Variants in TRDN observed in about 807,000 individuals in gnomAD.
The protein encoded by TRDN is triadin, also known as triadin in skeletal muscle.
TRDN carries 161 observed loss-of-function variants against 149.7 expected under a neutral mutation model. The observed-to-expected ratio is 1.08, with a 90% CI of 0.95 to 1.23. The LOEUF is 1.23. TRDN is among the 50% of genes most tolerant of loss of function. The pLI is 0.00. For synonymous variants in TRDN, 294 were observed against 250.5 expected, an observed-to-expected ratio of 1.17 and a Z score of -1.64; for missense variants, 896 against 823.5, an observed-to-expected ratio of 1.09 and a Z score of -1.08.
intron 38 of TRDN, among the ~76,000 whole-genome samples, chr6:123,237,452 C>T (rs1478045000): frequency 6.6e-6 from 1 of 151,950 alleles, no homozygotes; most frequent in Non-Finnish European, 1.5e-5. Flanking sequence ...GTTTCACCAT[C>T]TTGGCCGGGC....
intron 12 of TRDN, among the ~76,000 whole-genome samples, chr6:123,396,487 C>T (rs1256060608): frequency 6.6e-6 from 1 of 152,144 alleles, no homozygotes; most frequent in Admixed American, 6.5e-5. Flanking sequence ...CAATATTCAA[C>T]TAAAGATTAT....
In TRDN at chr6:123,573,625, T is replaced by C. The variant is rs117629825; in HGVS notation, c.23-2493A>G. On this transcript the variant is annotated intron_variant, in intron 1 of 40. Transcript: ENST00000334268. Reference sequence around the variant, plus strand: ...GGATTCTCTGACTTCCTTGGTATCCTTTCCAATCAATTAATTGACTGCTTG... The same window carrying C: ...GGATTCTCTGACTTCCTTGGTATCCCTTCCAATCAATTAATTGACTGCTTG... 2.7e-4 allele frequency among the ~76,000 whole-genome samples: 41 copies of C among 152,200 alleles called. No individual in the cohort carries two copies. In the East Asian group the frequency reaches 7.4e-3, roughly 27 times the overall value.
chr6:123,312,657 C>G (rs953855183), intron 24 of TRDN, among the ~76,000 whole-genome samples: 1 of 151,942 alleles, frequency 6.6e-6, no homozygotes, highest in Non-Finnish European at 1.5e-5. Flanking sequence ...CCACATTGTT[C>G]AAGAGTCAAC....
intron 24 of TRDN, 127 bp from the exon 25 acceptor site, chr6:123,279,209 T>C: frequency 1.3e-6 from 1 of 743,640 alleles, no homozygotes; most frequent in Non-Finnish European, 2.0e-6. Flanking sequence ...TATCCTTTTT[T>C]GTTGAAATTC....
chr6:123,247,449 C>A (rs1776222851), intron 38 of TRDN, among the ~76,000 whole-genome samples: 1 of 152,100 alleles, frequency 6.6e-6, no homozygotes, highest in East Asian at 1.9e-4. Flanking sequence ...TTCCTATACA[C>A]CAATAATAGA....
intron 5 of TRDN, chr6:123,528,600 C>T (rs1780064963): frequency 1.0e-6 from 1 of 978,294 alleles, no homozygotes; most frequent in African/African-American, 1.7e-5. Flanking sequence ...AACTTAAATT[C>T]CTAACTATCC....
In TRDN at chr6:123,615,519, G is replaced by A. The variant is rs78375873; in HGVS notation, c.22+21235C>T. On this transcript the variant is annotated intron_variant, in intron 1 of 40. Transcript: ENST00000334268. ...GTGTATATATATAATGCCCATTCAC[G>A]TTTGAAAAACATGTATATACACACA... Among the ~76,000 whole-genome samples the A allele has an allele frequency of 3.0e-3, 448 of 148,694 alleles. 2 individuals carry two copies. The highest frequency in any genetic ancestry group is 0.011 in the African/African-American group (412 of 38,782).
chr6:123,373,534 C>T (rs1356653238), intron 19 of TRDN, among the ~76,000 whole-genome samples: 2 of 152,232 alleles, frequency 1.3e-5, no homozygotes, highest in East Asian at 3.9e-4. Context: ...AGTATTTTTC[C>T]TACAGTGATT....
intron 8 of TRDN, among the ~76,000 whole-genome samples, chr6:123,499,768 T>C (rs1304688684): frequency 7.4e-6 from 1 of 135,788 alleles, no homozygotes; most frequent in African/African-American, 2.7e-5. Context: ...TGGTTGGGTC[T>C]GTACTGAACA....
At position 123,574,857 on chromosome 6, in the gene TRDN, CATATATATATATATAT is replaced by C. The variant is rs1162190609; in HGVS notation, c.23-3741_23-3726del. ...AAAACAGAACATGAATTTATATATACATATATATATATATATATATATATATATATATATATACACA... is the reference window on the plus strand; with the variant it reads ...AAAACAGAACATGAATTTATATATACATATATATATATATATATATACACA... On this transcript the variant is annotated intron_variant, in intron 1 of 40. Coordinates refer to ENST00000334268, the MANE Select transcript of TRDN (RefSeq NM_006073.4). Among the ~76,000 whole-genome samples, 7 of 50,570 alleles carry C rather than the reference CATATATATATATATAT, an allele frequency of 1.4e-4. 1 individual carries two copies. In the Admixed American group the frequency reaches 1.6e-3, roughly 11 times the overall value. The allele number at this position is 50,570 out of a possible 152,430, so 33.2% of individuals were successfully genotyped here. A position where few individuals can be genotyped will look rare whatever the true frequency, so the allele number is the denominator to read the frequency against.
chr6:123,438,100 T>C lies in TRDN; in HGVS notation c.1014A>G (p.Lys338=). 6.3e-7 allele frequency: 1 copy of C among 1,591,152 alleles called. No homozygotes were observed. Among genetic ancestry groups the C allele is most frequent in the Admixed American group, 1.8e-5 (1 of 54,298 alleles). ...CATCAATGGCAGTTTCCTTCTCACTTTTCTTTTTGATATCTTCTTTTTCTG... is the reference window on the plus strand; with the variant it reads ...CATCAATGGCAGTTTCCTTCTCACTCTTCTTTTTGATATCTTCTTTTTCTG... ...KKKEKEDIKK[K]SEKETAIDVE... is the part of the protein sequence containing the mutation. Residue 338 remains lysine, a synonymous_variant, in exon 12 of 41, where the codon AAA becomes AAG. Coordinates refer to ENST00000334268, the MANE Select transcript of TRDN (RefSeq NM_006073.4).
intron 2 of TRDN, among the ~76,000 whole-genome samples, chr6:123,549,494 C>T (rs1277351631): frequency 1.3e-5 from 2 of 151,860 alleles, no homozygotes; most frequent in Non-Finnish European, 2.9e-5. Flanking sequence ...ATTTTAAAAA[C>T]TATTTTAGCT....
At chr6:123,373,877 G>T (rs2114388743) in intron 19 of TRDN, among the ~76,000 whole-genome samples, 1 of 152,160 alleles carries the variant, frequency 6.6e-6, no homozygotes, top group East Asian at 1.9e-4. Context: ...CTTTTCAATG[G>T]TATCTATAAT....
intron 1 of TRDN, among the ~76,000 whole-genome samples, chr6:123,634,962 A>G (rs1453071450): frequency 6.6e-6 from 1 of 151,916 alleles, no homozygotes; most frequent in Non-Finnish European, 1.5e-5. Context: ...GGCAGAAACA[A>G]AAGCTCTATT....
chr6:123,426,988 T>A (rs950345383), intron 12 of TRDN, among the ~76,000 whole-genome samples: 2 of 152,226 alleles, frequency 1.3e-5, no homozygotes, highest in Middle Eastern at 3.4e-3. Context: ...AAATAATTAT[T>A]AAACTTTCTT....
intron 5 of TRDN, among the ~76,000 whole-genome samples, chr6:123,523,233 A>T (rs1433307627): frequency 6.6e-6 from 1 of 152,048 alleles, no homozygotes; most frequent in Non-Finnish European, 1.5e-5. Flanking sequence ...ATGGCTGGAG[A>T]GAAGAGAGCA....
At chr6:123,258,446 T>C (rs1454915958) in intron 35 of TRDN, among the ~76,000 whole-genome samples, 1 of 152,178 alleles carries the variant, frequency 6.6e-6, no homozygotes, top group African/African-American at 2.4e-5. Context: ...TTTATTGATA[T>C]GTGTAGGTTG....
intron 8 of TRDN, chr6:123,502,231 A>G (rs1778729661): frequency 2.0e-6 from 2 of 977,152 alleles, no homozygotes; most frequent in African/African-American, 3.5e-5. Flanking sequence ...TACCACAGTA[A>G]AATATTATAT....
chr6:123,578,329 C>G (rs1293045158), intron 1 of TRDN, among the ~76,000 whole-genome samples: 1 of 152,120 alleles, frequency 6.6e-6, no homozygotes, highest in East Asian at 1.9e-4. Context: ...AGGAAGTTGT[C>G]CAGTTTCAAT....
Sources: allele counts gnomAD v4.1 joint callset (sites outside exome capture counted in the v4.1 genomes callset), GRCh38; gene constraint gnomAD v4.1.1; transcripts MANE v1.5; gene names NCBI Gene and HGNC (gene_info 2026-07-23, HGNC 2026-07-21).